The following ADCY2 variants were observed in gnomAD, a reference collection of about 807,000 sequenced individuals.
The protein encoded by ADCY2 is adenylate cyclase 2, also known as adenylate cyclase type 2.
A neutral mutation model predicts 125.2 loss-of-function variants in ADCY2; 31 were observed. The observed-to-expected ratio is 0.25, with a 90% CI of 0.19 to 0.33. The LOEUF is 0.33. Among genes scored for constraint, ADCY2 ranks in the 10% least tolerant of loss-of-function variants. ADCY2 has a pLI of 1.00. For missense variants in ADCY2, 904 were observed against 1,418.2 expected, an observed-to-expected ratio of 0.64 and a Z score of 5.82; for synonymous variants, 512 against 548.4, an observed-to-expected ratio of 0.93 and a Z score of 0.93.
In ADCY2 at chr5:7,804,666, G is replaced by A. The variant is rs145761834; in HGVS notation, c.2857G>A (p.Ala953Thr). The change falls in exon 22 of 25, where the codon GCT becomes ACT. Residue 953 changes from alanine to threonine, a missense_variant. Physicochemically the swap from Ala to Thr is moderately conservative, Grantham distance 58 (BLOSUM62 0). This residue lies in a region of ADCY2 where 181 missense variants were observed against 381.6 expected (regional missense o/e 0.47). Coordinates refer to ENST00000338316, the MANE Select transcript of ADCY2 (RefSeq NM_020546.3). ...ATACATGGCAGCAACAGGTCTGAGC[G>A]CTGTGCCCAGCCAGGAGCACTCCCA... is the stretch of plus-strand genomic sequence containing the variant. ...STYMAATGLS[A>T]VPSQEHSQEP... 1.7e-5 allele frequency: 27 copies of A among 1,614,006 alleles called. No homozygotes were observed. Among genetic ancestry groups the A allele is most frequent in the Middle Eastern group, 1.6e-4 (1 of 6,084 alleles).
At chr5:7,578,812 C>G (rs1376487937) in intron 3 of ADCY2, among the ~76,000 whole-genome samples, 1 of 152,116 alleles carries the variant, frequency 6.6e-6, no homozygotes, top group Non-Finnish European at 1.5e-5. Context: ...AAGTTCCTTG[C>G]AAACCTGTGG....
intron 1 of ADCY2, among the ~76,000 whole-genome samples, chr5:7,398,412 G>A (rs1739142049): frequency 6.6e-6 from 1 of 152,134 alleles, no homozygotes; most frequent in South Asian, 2.1e-4. Flanking sequence ...ATTCCTTTAT[G>A]TTCCATTTTG....
At chr5:7,438,055 T>C (rs1414832495) in intron 2 of ADCY2, among the ~76,000 whole-genome samples, 1 of 152,230 alleles carries the variant, frequency 6.6e-6, no homozygotes, top group African/African-American at 2.4e-5. Flanking sequence ...ACTCACTGAT[T>C]ACAATCTATT....
intron 3 of ADCY2, among the ~76,000 whole-genome samples, chr5:7,608,506 G>C (rs1260280651): frequency 1.3e-5 from 2 of 152,102 alleles, no homozygotes; most frequent in African/African-American, 2.4e-5. Context: ...AACCCAGGAG[G>C]AGGAGGTTGC....
chr5:7,705,741 G>T (rs140626569), intron 7 of ADCY2, among the ~76,000 whole-genome samples: 1 of 152,264 alleles, frequency 6.6e-6, no homozygotes, highest in Non-Finnish European at 1.5e-5. Context: ...AAGAAAGGAA[G>T]ACAGTGAGGG....
chr5:7,621,075 TA>T (rs1737939478), intron 3 of ADCY2, among the ~76,000 whole-genome samples: 1 of 152,222 alleles, frequency 6.6e-6, no homozygotes, highest in African/African-American at 2.4e-5. Flanking sequence ...ATCAAAGCCA[TA>T]ACAAGGGATC....
chr5:7,618,240 C>T (rs1737829000), intron 3 of ADCY2, among the ~76,000 whole-genome samples: 2 of 152,182 alleles, frequency 1.3e-5, no homozygotes, highest in South Asian at 2.1e-4. Flanking sequence ...CGTTTGATGT[C>T]AATGTTTAGG....
intron 5 of ADCY2, among the ~76,000 whole-genome samples, chr5:7,693,406 G>GTTTTTTTTCTTTTTTTTT (rs139450063): frequency 1.7e-5 from 1 of 58,658 alleles, no homozygotes; most frequent in Non-Finnish European, 3.6e-5. Flanking sequence ...ATTGCCTGCT[G>GTTTTTTTTCTTTTTTTTT]TTTTTTGTTT....
At chr5:7,405,539 G>A (rs1028978091) in intron 1 of ADCY2, among the ~76,000 whole-genome samples, 5 of 152,302 alleles carry the variant, frequency 3.3e-5, no homozygotes, top group African/African-American at 1.2e-4. Flanking sequence ...TCATTTAGCA[G>A]GCTAGCCTGA....
intron 3 of ADCY2, among the ~76,000 whole-genome samples, chr5:7,593,687 G>A (rs1477569669): frequency 6.6e-6 from 1 of 152,086 alleles, no homozygotes; most frequent in East Asian, 1.9e-4. Context: ...ACATAGATTA[G>A]CTAAATGCCC....
chr5:7,548,012 A>G (rs912915119), intron 3 of ADCY2, among the ~76,000 whole-genome samples: 3 of 152,194 alleles, frequency 2.0e-5, no homozygotes, highest in Non-Finnish European at 2.9e-5. Context: ...TGGGAACCCC[A>G]TATTCTCCCT....
intron 2 of ADCY2, among the ~76,000 whole-genome samples, chr5:7,494,332 A>G (rs1743271218): frequency 6.6e-6 from 1 of 151,546 alleles, no homozygotes; most frequent in African/African-American, 2.4e-5. Flanking sequence ...AGCTCCTCAT[A>G]CCCCTGATCA....
chr5:7,547,086 G>C (rs553353229), intron 3 of ADCY2, among the ~76,000 whole-genome samples: 49 of 152,324 alleles, frequency 3.2e-4, no homozygotes, highest in African/African-American at 1.1e-3. Flanking sequence ...GAATAGCAGA[G>C]CTGCTGCTAC....
At chr5:7,481,529 A>G in intron 2 of ADCY2, among the ~76,000 whole-genome samples, 1 of 151,388 alleles carries the variant, frequency 6.6e-6, no homozygotes, top group East Asian at 2.0e-4. Flanking sequence ...GGCCTCCCAA[A>G]GTGCTGGGAT....
chr5:7,543,249 A>G (rs1357509407), intron 3 of ADCY2, among the ~76,000 whole-genome samples: 4 of 152,178 alleles, frequency 2.6e-5, no homozygotes, highest in Non-Finnish European at 5.9e-5. Flanking sequence ...ATCATATTCA[A>G]AGGCATCATT....
intron 22 of ADCY2, among the ~76,000 whole-genome samples, chr5:7,808,553 T>C (rs182666052): frequency 1.1e-3 from 160 of 152,316 alleles, no homozygotes; most frequent in African/African-American, 3.8e-3. Flanking sequence ...ATGGAGAAAC[T>C]GAGGCACGGA....
intron 4 of ADCY2, among the ~76,000 whole-genome samples, chr5:7,641,843 A>G (rs1449581411): frequency 2.1e-5 from 3 of 143,794 alleles, no homozygotes; most frequent in African/African-American, 8.0e-5. Context: ...ATGGTGCTGG[A>G]AAGGACTGAT....
At position 7,516,984 on chromosome 5, in the gene ADCY2, G is replaced by T. The variant is rs368061247; in HGVS notation, c.409-3754G>T. ...AGGTGACTTTCAAGGATTTGCATCT[G>T]GGTTTTTGGAGACAGAGGCATTATG... is the stretch of plus-strand genomic sequence containing the variant. On this transcript the variant is annotated intron_variant, in intron 2 of 24. Coordinates refer to ENST00000338316, the MANE Select transcript of ADCY2 (RefSeq NM_020546.3). Among the ~76,000 whole-genome samples, 161 of 152,206 alleles carry T rather than the reference G, an allele frequency of 1.1e-3. 2 individuals are homozygous for T. In the South Asian group the frequency reaches 0.03, roughly 29 times the overall value.
At chr5:7,762,112 C>T (rs1481039497) in intron 16 of ADCY2, among the ~76,000 whole-genome samples, 7 of 152,134 alleles carry the variant, frequency 4.6e-5, no homozygotes, top group South Asian at 2.1e-4. Context: ...TCCTGTCTAT[C>T]GATTAAGGGG....
Sources: allele counts gnomAD v4.1 joint callset (sites outside exome capture counted in the v4.1 genomes callset), GRCh38; gene constraint gnomAD v4.1.1; regional missense constraint gnomAD v4.1.1; transcripts MANE v1.5; gene names NCBI Gene and HGNC (gene_info 2026-07-23, HGNC 2026-07-21).